WDR33: variants seen among roughly 807,000 people sequenced by gnomAD.
WDR33 encodes the protein pre-mRNA 3' end processing protein WDR33.
Under a neutral mutation model 164.9 loss-of-function variants are expected in WDR33, and 47 were observed. That is an observed-to-expected ratio of 0.29 (90% CI 0.23 to 0.36). The LOEUF (loss-of-function observed/expected upper bound fraction) is 0.36. WDR33 is among the 10% of genes least tolerant of loss of function. The pLI is 1.00. For synonymous variants in WDR33, 505 were observed against 589.0 expected, an observed-to-expected ratio of 0.86 and a Z score of 2.06; for missense variants, 1,137 against 1,754.1, an observed-to-expected ratio of 0.65 and a Z score of 6.28.
chr2:127,771,182 C>T (rs1327622759), intron 1 of WDR33, among the ~76,000 whole-genome samples, 178 bp from the exon 2 acceptor site: 1 of 152,150 alleles, frequency 6.6e-6, no homozygotes, highest in Non-Finnish European at 1.5e-5. Flanking sequence ...CTCAGAGATG[C>T]ATCCTTAGGC....
In WDR33 at chr2:127,718,714, AAC is replaced by A. The variant is rs1322468530; in HGVS notation, c.2760+549_2760+550del. On this transcript the variant is annotated intron_variant, in intron 16 of 21. Transcript: ENST00000322313. The surrounding 1 kb of genome is among the most constrained non-coding windows in gnomAD (Gnocchi z 4.4). ...TTTCCAGAATGCTCAATTCTGGAAT[AAC>A]AGTCTCTTTATTTCTATTCACTGTA... Among the ~76,000 whole-genome samples, 1 of 152,264 alleles carries A rather than the reference AAC, an allele frequency of 6.6e-6. No individual in the cohort carries two copies. Among genetic ancestry groups the A allele is most frequent in the African/African-American group, 2.4e-5 (1 of 41,468 alleles).
intron 1 of WDR33, among the ~76,000 whole-genome samples, chr2:127,792,972 T>C (rs1037754681): frequency 1.3e-5 from 2 of 152,092 alleles, no homozygotes; most frequent in African/African-American, 4.8e-5. Flanking sequence ...TCAGAAACAT[T>C]ACCACAGATT....
At chr2:127,727,932 G>A (rs1409703564) in intron 7 of WDR33, among the ~76,000 whole-genome samples, 2 of 152,200 alleles carry the variant, frequency 1.3e-5, no homozygotes, top group African/African-American at 4.8e-5. Context: ...ACAGTGATTT[G>A]TACCCGTTCA....
chr2:127,785,374 C>T (rs373192051), intron 1 of WDR33, among the ~76,000 whole-genome samples: 6 of 152,306 alleles, frequency 3.9e-5, no homozygotes, highest in Middle Eastern at 6.8e-3. Flanking sequence ...CATAGGTTCA[C>T]TCTTGATGTG....
At chr2:127,774,143 C>T (rs548404575) in intron 1 of WDR33, among the ~76,000 whole-genome samples, 1 of 151,438 alleles carries the variant, frequency 6.6e-6, no homozygotes, top group South Asian at 2.1e-4. Context: ...CCTCTGCCTC[C>T]CGGGTTCAAG....
At chr2:127,762,887 T>G (rs1284655616) in intron 7 of WDR33, 175 bp downstream of exon 7, 7 of 1,414,412 alleles carry the variant, frequency 4.9e-6, no homozygotes, top group Non-Finnish European at 6.5e-6. Flanking sequence ...AGTAAAAACC[T>G]ACAAAATGAC....
intron 1 of WDR33, among the ~76,000 whole-genome samples, chr2:127,777,310 C>T (rs903926480): frequency 3.3e-5 from 5 of 152,206 alleles, no homozygotes; most frequent in Non-Finnish European, 1.5e-5. Context: ...AAATATCACT[C>T]CTAATTTCGC....
In WDR33 at chr2:127,724,970, A is replaced by C. The variant is rs778339581; in HGVS notation, c.1007-5T>G. ...GAACAGGATGCCAGGCCACAGCTGC[A>C]GAACAAAAACATGGGAAAAGACACA... is the stretch of plus-strand genomic sequence containing the variant. On this transcript the variant is annotated splice_region_variant and splice_polypyrimidine_tract_variant and intron_variant, in intron 9 of 21. Coordinates refer to ENST00000322313, the MANE Select transcript of WDR33 (RefSeq NM_018383.5). The surrounding 1 kb of genome is among the most constrained non-coding windows in gnomAD (Gnocchi z 4.8). 1 of 1,614,224 alleles carries C rather than the reference A, an allele frequency of 6.2e-7. No individual in the cohort carries two copies. Among genetic ancestry groups the C allele is most frequent in the Non-Finnish European group, 8.5e-7 (1 of 1,180,002 alleles).
chr2:127,732,251 G>T (rs1301997350), intron 7 of WDR33, among the ~76,000 whole-genome samples: 5 of 151,826 alleles, frequency 3.3e-5, no homozygotes, highest in Non-Finnish European at 7.4e-5. Flanking sequence ...TTAGGGAGAT[G>T]AAATGGTATG....
In WDR33 at chr2:127,713,346, C is replaced by G. The variant is rs566609364; in HGVS notation, c.3308+237G>C. 6.6e-6 allele frequency among the ~76,000 whole-genome samples: 1 copy of G among 151,994 alleles called. No individual in the cohort carries two copies. Among genetic ancestry groups the G allele is most frequent in the Non-Finnish European group, 1.5e-5 (1 of 68,004 alleles). On this transcript the variant is annotated intron_variant, in intron 18 of 21. Transcript: ENST00000322313. The surrounding 1 kb of genome is among the most constrained non-coding windows in gnomAD (Gnocchi z 6.2). ...GATCCTCCCATCTCTTTAGAAAGGACCAAAATATAAAAAAATAAACAAAAC... is the reference window on the plus strand; with the variant it reads ...GATCCTCCCATCTCTTTAGAAAGGAGCAAAATATAAAAAAATAAACAAAAC...
At chr2:127,754,614 G>A (rs1687469669) in intron 7 of WDR33, among the ~76,000 whole-genome samples, 2 of 148,314 alleles carry the variant, frequency 1.3e-5, no homozygotes, top group Non-Finnish European at 1.5e-5. Flanking sequence ...GTAGAAACAG[G>A]GTCTCACTTT....
intron 1 of WDR33, among the ~76,000 whole-genome samples, chr2:127,792,096 G>A (rs764174347): frequency 4.0e-5 from 6 of 151,568 alleles, no homozygotes; most frequent in Admixed American, 6.6e-5. Flanking sequence ...GCACCACCAC[G>A]CCCGGCTAAT....
chr2:127,742,110 G>A (rs1687033689), intron 7 of WDR33, among the ~76,000 whole-genome samples: 1 of 152,164 alleles, frequency 6.6e-6, no homozygotes, highest in Non-Finnish European at 1.5e-5. Flanking sequence ...GCTGAGGCAG[G>A]AGAAACACTT....
Position 127,716,406 on chromosome 2 carries a change from G to A in WDR33, c.2869+749C>T, listed in dbSNP as rs546918711. Reference sequence around the variant, plus strand: ...ATTCTCCGAGTTGTGGTTTCTCCCCGTTATGAAAGTGTGTGTCGAACATAA... The same window carrying A: ...ATTCTCCGAGTTGTGGTTTCTCCCCATTATGAAAGTGTGTGTCGAACATAA... On this transcript the variant is annotated intron_variant, in intron 17 of 21. Coordinates refer to ENST00000322313, the MANE Select transcript of WDR33 (RefSeq NM_018383.5). This position sits in a 1 kb window ranked among gnomAD's most constrained non-coding sequence, Gnocchi z 4.5. Among the ~76,000 whole-genome samples, 27 of 152,232 alleles carry A rather than the reference G, an allele frequency of 1.8e-4. No homozygotes were observed. In the South Asian group the frequency reaches 4.4e-3, roughly 25 times the overall value.
At chr2:127,752,210 T>A (rs539592228) in intron 7 of WDR33, among the ~76,000 whole-genome samples, 1 of 152,196 alleles carries the variant, frequency 6.6e-6, no homozygotes, top group Non-Finnish European at 1.5e-5. Flanking sequence ...TAAATGGAGT[T>A]AGGGATTAAT....
intron 1 of WDR33, among the ~76,000 whole-genome samples, chr2:127,787,082 G>C (rs994347153): frequency 5.1e-5 from 5 of 98,618 alleles, no homozygotes; most frequent in African/African-American, 2.1e-4. Flanking sequence ...CTGCCTTCAA[G>C]CATCTGTTTA....
chr2:127,746,794 C>T (rs1687180656), intron 7 of WDR33, among the ~76,000 whole-genome samples: 1 of 152,212 alleles, frequency 6.6e-6, no homozygotes, highest in Non-Finnish European at 1.5e-5. Flanking sequence ...TGTCACTTAA[C>T]CACTGTAAAC....
At position 127,723,309 on chromosome 2, in the gene WDR33, C is replaced by T. The variant is rs1558924773; in HGVS notation, c.1235G>A (p.Arg412Gln). Residue 412 changes from arginine to glutamine, a missense_variant, in exon 12 of 22, where the codon CGA becomes CAA. Around this residue, in one of 9 missense-constraint regions of WDR33, gnomAD observed 21 missense variants for 102.2 expected, o/e 0.21. Transcript: ENST00000322313. The surrounding 1 kb of genome is among the most constrained non-coding windows in gnomAD (Gnocchi z 5.9). The stretch of plus-strand genomic sequence containing the variant: ...TAAAAGGTTTAGATTATATCGATCT[C>T]GCATTTTATCACCTGGTCGGTTTCG... ...WTRNRPGDKM[R>Q]DRYNLNLLPG... 2 of 1,613,896 alleles carry T rather than the reference C, an allele frequency of 1.2e-6. No homozygotes were observed. Among genetic ancestry groups the T allele is most frequent in the Non-Finnish European group, 1.7e-6 (2 of 1,180,006 alleles).
At chr2:127,803,778 G>A (rs969372311) in intron 1 of WDR33, among the ~76,000 whole-genome samples, 1 of 151,816 alleles carries the variant, frequency 6.6e-6, no homozygotes, top group Non-Finnish European at 1.5e-5. Context: ...AAGGACTTGG[G>A]TTATTGTTTT....
Sources: gnomAD v4.1 joint callset for allele counts (sites outside exome capture counted in the v4.1 genomes callset) on GRCh38, gnomAD v4.1.1 for gene constraint, gnomAD v4.1.1 regional missense constraint, Gnocchi (gnomAD v3.1) non-coding constraint, MANE v1.5 for transcripts, NCBI Gene and HGNC (gene_info 2026-07-23, HGNC 2026-07-21) for gene names.